The following RNF152 variants were observed in gnomAD, a reference collection of about 807,000 sequenced individuals.
The protein encoded by RNF152 is E3 ubiquitin-protein ligase RNF152.
Under a neutral mutation model 12.7 loss-of-function variants are expected in RNF152, and 11 were observed. The ratio of observed to expected loss-of-function variants is 0.86; its 90% CI spans 0.54 to 1.43. The LOEUF (loss-of-function observed/expected upper bound fraction) is 1.43. Ranked by LOEUF, RNF152 falls within the 40% of genes most tolerant of loss-of-function variation. The pLI, the probability that RNF152 is intolerant of heterozygous loss-of-function variation, is 0.00. For synonymous variants in RNF152, 113 were observed against 120.3 expected (o/e 0.94, Z 0.40); for missense variants, 255 against 274.8 (o/e 0.93, Z 0.51).
At chr18:61,849,187 A>G (rs1910864620) in intron 1 of RNF152, among the ~76,000 whole-genome samples, 1 of 152,188 alleles carries the variant, frequency 6.6e-6, no homozygotes, top group Non-Finnish European at 1.5e-5. Context: ...CGGGGGCTTC[A>G]CCAGCTCACA....
intron 1 of RNF152, among the ~76,000 whole-genome samples, chr18:61,841,014 T>C (rs1910430710): frequency 6.6e-6 from 1 of 152,174 alleles, no homozygotes; most frequent in African/African-American, 2.4e-5. Flanking sequence ...ATTATCTGGT[T>C]CCTACCACCT....
At chr18:61,876,030 T>C (rs1448062881) in intron 1 of RNF152, among the ~76,000 whole-genome samples, 1 of 152,120 alleles carries the variant, frequency 6.6e-6, no homozygotes, top group Non-Finnish European at 1.5e-5. Flanking sequence ...TCCAATCCTT[T>C]TTCATACTAT....
rs1056478284 is a variant in RNF152, at chr18:61,814,286, A to G, written c.*1566T>C. The G allele has an allele frequency of 6.6e-6, 1 of 152,222 alleles. No individual in the cohort carries two copies. Among genetic ancestry groups the G allele is most frequent in the Non-Finnish European group, 1.5e-5 (1 of 68,036 alleles). 9.4% of individuals were successfully genotyped at this position (152,222 alleles called of 1,614,324 possible). ...TTTTCTAGCCTTGCTTTTTGGAATT[A>G]GCCCTGCTTGTCTTTCCTTCACTTC... On this transcript the variant is annotated 3_prime_UTR_variant, in exon 2 of 2. Coordinates refer to ENST00000312828, the MANE Select transcript of RNF152 (RefSeq NM_173557.3).
intron 1 of RNF152, among the ~76,000 whole-genome samples, chr18:61,849,158 A>G (rs1270150032): frequency 1.3e-5 from 2 of 152,134 alleles, no homozygotes; most frequent in African/African-American, 4.8e-5. Flanking sequence ...GGGTGGAGAA[A>G]CAGGGGAGTA....
chr18:61,892,312 T>C lies in RNF152; in HGVS notation c.-136+483A>G, dbSNP rs535851378. Among the ~76,000 whole-genome samples, 10 of 152,286 alleles carry C rather than the reference T, an allele frequency of 6.6e-5. 1 individual carries two copies. In the South Asian group the frequency reaches 2.1e-3, roughly 32 times the overall value. ...CTTAATATTGCAAACACTATTACAA[T>C]GAAGGAACAGAAGAAAGACAGTATT... On this transcript the variant is annotated intron_variant, in intron 1 of 1. Transcript: ENST00000312828.
chr18:61,820,236 G>A (rs565643432), intron 1 of RNF152, among the ~76,000 whole-genome samples: 2 of 147,768 alleles, frequency 1.4e-5, no homozygotes, highest in East Asian at 4.0e-4. Context: ...GGCTGAGGCA[G>A]GAGAATGGTG....
upstream of RNF152, chr18:61,894,174 C>T: frequency 6.6e-6 from 1 of 152,038 alleles, no homozygotes; most frequent in Non-Finnish European, 1.5e-5. This position sits in a 1 kb window ranked among gnomAD's most constrained non-coding sequence, Gnocchi z 4.9. Context: ...GGCTCGGGTG[C>T]TCGCTACAGA....
At chr18:61,873,407 G>A (rs534293842) in intron 1 of RNF152, among the ~76,000 whole-genome samples, 16 of 152,210 alleles carry the variant, frequency 1.1e-4, no homozygotes, top group Admixed American at 2.0e-4. Flanking sequence ...GCGCTATCTC[G>A]GCTCACCGCA....
rs193255615 is a variant in RNF152 at position 61,841,314 on chromosome 18, C to T, written c.-135-24716G>A. ...GGCATGTAATAAATATCTCCAGACCCGCAACATAACATGACACTAGTTATT... is the reference window on the plus strand; with the variant it reads ...GGCATGTAATAAATATCTCCAGACCTGCAACATAACATGACACTAGTTATT... On this transcript the variant is annotated intron_variant, in intron 1 of 1. Transcript: ENST00000312828. Among the ~76,000 whole-genome samples, 9 of 152,190 alleles carry T rather than the reference C, an allele frequency of 5.9e-5. No homozygotes were observed. In the East Asian group the frequency reaches 1.2e-3, roughly 20 times the overall value.
intron 1 of RNF152, among the ~76,000 whole-genome samples, chr18:61,866,533 C>T (rs1174162389): frequency 6.6e-6 from 1 of 152,202 alleles, no homozygotes; most frequent in Non-Finnish European, 1.5e-5. Context: ...GCCACACACC[C>T]CAGCAGGGCC....
intron 1 of RNF152, among the ~76,000 whole-genome samples, chr18:61,817,478 G>A (rs1185892673): frequency 6.6e-6 from 1 of 152,090 alleles, no homozygotes; most frequent in Non-Finnish European, 1.5e-5. Flanking sequence ...TCTATGAGTG[G>A]GTTCTGCATC....
intron 1 of RNF152, among the ~76,000 whole-genome samples, chr18:61,820,571 G>A (rs1387621872): frequency 6.6e-6 from 1 of 151,878 alleles, no homozygotes; most frequent in Non-Finnish European, 1.5e-5. Flanking sequence ...CTACGGGTGG[G>A]TAGGAACAAT....
At chr18:61,883,063 A>C (rs990862009) in intron 1 of RNF152, among the ~76,000 whole-genome samples, 1 of 152,250 alleles carries the variant, frequency 6.6e-6, no homozygotes, top group Non-Finnish European at 1.5e-5. Flanking sequence ...GAGCATATCT[A>C]GATGCATGCA....
chr18:61,845,228 G>A (rs994028737), intron 1 of RNF152, among the ~76,000 whole-genome samples: 1 of 152,246 alleles, frequency 6.6e-6, no homozygotes, highest in Admixed American at 6.5e-5. Context: ...TGGGATAATA[G>A]GCGTAAGCCA....
rs556360498 is a variant in RNF152 at position 61,816,455 on chromosome 18, C to G, written c.9G>C (p.Thr3=). The G allele has an allele frequency of 1.2e-5, 19 of 1,601,280 alleles. No individual in the cohort carries two copies. The African/African-American group carries it at 2.5e-4, about 21-fold the overall frequency. Residue 3 remains threonine, a synonymous_variant, in exon 2 of 2, where the codon ACG becomes ACC. Transcript: ENST00000312828. Reference sequence around the variant, plus strand: ...ATTCCAGCAGAGAGTCCTGGGACAGCGTCTCCATGGTGGACCGTGAGCAGG... The same window carrying G: ...ATTCCAGCAGAGAGTCCTGGGACAGGGTCTCCATGGTGGACCGTGAGCAGG... ME[T]LSQDSLLECQ... is the part of the protein sequence containing the mutation.
chr18:61,893,043 G>C (rs1232914871), upstream of RNF152: 1 of 152,454 alleles, frequency 6.6e-6, no homozygotes, highest in Non-Finnish European at 1.5e-5. Flanking sequence ...ATGAGGTGTG[G>C]AGGGCTGGCG....
chr18:61,836,428 T>C (rs75857642), intron 1 of RNF152, among the ~76,000 whole-genome samples: 9,738 of 152,160 alleles, frequency 0.064, 1,019 homozygotes, highest in African/African-American at 0.22. Flanking sequence ...TAATTAGGTT[T>C]AGATGAGGTC....
rs1376762554 is a variant in RNF152 at position 61,809,704 on chromosome 18, T to C, written c.*6148A>G. 2 of 152,090 alleles carry C rather than the reference T, an allele frequency of 1.3e-5. No individual in the cohort carries two copies. Among genetic ancestry groups the C allele is most frequent in the Admixed American group, 6.5e-5 (1 of 15,278 alleles). The allele number at this position is 152,090 out of a possible 1,614,324, so 9.4% of individuals were successfully genotyped here. On this transcript the variant is annotated 3_prime_UTR_variant, in exon 2 of 2. Transcript: ENST00000312828. Reference sequence around the variant, plus strand: ...AGGTCCCTCAGTACTCTGCCCCAAATATTACTGATTGTCCCTAAAAATATC... The same window carrying C: ...AGGTCCCTCAGTACTCTGCCCCAAACATTACTGATTGTCCCTAAAAATATC...
intron 1 of RNF152, among the ~76,000 whole-genome samples, chr18:61,864,621 G>A (rs1345105691): frequency 6.6e-6 from 1 of 152,166 alleles, no homozygotes; most frequent in East Asian, 1.9e-4. Flanking sequence ...TCCCTACCAG[G>A]AGGTCTGGGA....
Sources: gnomAD v4.1 joint callset for allele counts (sites outside exome capture counted in the v4.1 genomes callset) on GRCh38, gnomAD v4.1.1 for gene constraint, Gnocchi (gnomAD v3.1) non-coding constraint, MANE v1.5 for transcripts, NCBI Gene and HGNC (gene_info 2026-07-23, HGNC 2026-07-21) for gene names.